The following RICTOR variants were observed in gnomAD, a reference collection of about 807,000 sequenced individuals.
The protein encoded by RICTOR is rapamycin-insensitive companion of mTOR.
Under a neutral mutation model 214.9 loss-of-function variants are expected in RICTOR, and 49 were observed. The ratio of observed to expected loss-of-function variants is 0.23; its 90% confidence interval spans 0.18 to 0.29. The LOEUF (loss-of-function observed/expected upper bound fraction) is 0.29. Among genes scored for constraint, RICTOR ranks in the 10% least tolerant of loss-of-function variants. The pLI, the probability that RICTOR is intolerant of heterozygous loss-of-function variation, is 1.00. For missense variants in RICTOR, 1,625 were observed against 2,047.0 expected, an observed-to-expected ratio of 0.79 and a Z score of 3.98; for synonymous variants, 717 against 711.3, an observed-to-expected ratio of 1.01 and a Z score of -0.13.
chr5:38,952,349 C>G lies in RICTOR; in HGVS notation c.2974G>C (p.Ala992Pro), dbSNP rs1426577034. ...CDILKCHNWD[A>P]VRHSRKHLWP... is the part of the protein sequence containing the mutation. Reference sequence around the variant, plus strand: ...AGATGTTTGCGACTATGCCTCACAGCATCCCAGTTGTGACATTTTAGAATA... The same window carrying G: ...AGATGTTTGCGACTATGCCTCACAGGATCCCAGTTGTGACATTTTAGAATA... Residue 992 changes from alanine (A) to proline (P), a missense_variant, in exon 30 of 38, where the codon GCT (alanine) becomes CCT (proline). By Grantham distance (27) the Ala-to-Pro change is conservative (BLOSUM62 -1). Transcript: ENST00000357387. The G allele has an allele frequency of 3.1e-6, 5 of 1,613,050 alleles. No homozygotes were observed. Among genetic ancestry groups the G allele is most frequent in the Non-Finnish European group, 4.2e-6 (5 of 1,179,340 alleles).
intron 2 of RICTOR, among the ~76,000 whole-genome samples, chr5:39,066,117 C>T (rs1758888084): frequency 6.6e-6 from 1 of 152,248 alleles, no homozygotes. Flanking sequence ...TGCCTAGACA[C>T]CCAGGCTTTC....
intron 14 of RICTOR, 33 bp from the exon 15 acceptor site, chr5:38,966,754 A>G (rs765366158): frequency 1.8e-6 from 2 of 1,142,134 alleles, no homozygotes; most frequent in South Asian, 2.7e-5. Context: ...CCACTGTTGC[A>G]AAATAATACA....
At chr5:38,984,168 T>A (rs1262016947) in intron 7 of RICTOR, among the ~76,000 whole-genome samples, 5 of 151,924 alleles carry the variant, frequency 3.3e-5, no homozygotes, top group Non-Finnish European at 5.9e-5. Context: ...TGTGAGTGAC[T>A]GGAAATTAAA....
Position 38,954,839 on chromosome 5 carries a change from G to T in RICTOR, c.2632C>A (p.Leu878Met), listed in dbSNP as rs1749107243. Residue 878 changes from leucine to methionine, a missense_variant, in exon 27 of 38, where the codon CTG becomes ATG. Coordinates refer to ENST00000357387, the MANE Select transcript of RICTOR (RefSeq NM_152756.5). ...AGTTGTCCATAAAGGTGTATAGGCA[G>T]GTAGACGTGAGGACGCTGTAATCTA... The part of the protein sequence containing the change: ...NQRLQRPHVY[L>M]PIHLYGQLVH... 1 of 1,598,878 alleles carries T rather than the reference G, an allele frequency of 6.3e-7. No homozygotes were observed. The highest frequency in any genetic ancestry group is 8.6e-7 in the Non-Finnish European group (1 of 1,167,384).
At chr5:39,059,113 G>C (rs1251625496) in intron 2 of RICTOR, among the ~76,000 whole-genome samples, 1 of 152,024 alleles carries the variant, frequency 6.6e-6, no homozygotes, top group Non-Finnish European at 1.5e-5. Context: ...TAACACACCT[G>C]ATACACATGA....
chr5:38,990,731 T>TATCTGATATATATCAG (rs1752652175), intron 7 of RICTOR, among the ~76,000 whole-genome samples: 4 of 123,000 alleles, frequency 3.3e-5, no homozygotes, highest in Admixed American at 8.6e-5. Context: ...ATATATCATA[T>TATCTGATATATATCAG]ATATGATATA....
At chr5:39,053,884 CCGTCTCA>C (rs1423663336) in intron 2 of RICTOR, among the ~76,000 whole-genome samples, 2 of 142,064 alleles carry the variant, frequency 1.4e-5, no homozygotes, top group East Asian at 4.2e-4. Context: ...CAGCGAGACT[CCGTCTCA>C]AAAAAAAAAA....
chr5:39,005,852 A>C (rs527468800), intron 3 of RICTOR, among the ~76,000 whole-genome samples: 2 of 152,272 alleles, frequency 1.3e-5, no homozygotes, highest in East Asian at 3.9e-4. Context: ...TTTCCCTGCC[A>C]CCTGAAGTTT....
rs201938882 is a variant in RICTOR, at chr5:38,958,466, G to C, written c.2397C>G (p.Asp799Glu). The stretch of plus-strand genomic sequence containing the variant: ...ACCTCAGCAGGAGAAGCAAACCCTT[G>C]TCTCCAAGGTGGGATAACGCTGGTT... ...QMKPALSHLG[D>E]KGLLLLLRFL... is the part of the protein sequence containing the mutation. The change falls in exon 24 of 38, where the codon GAC becomes GAG. Residue 799 changes from aspartate (D) to glutamate (E), a missense_variant. Around this residue, in one of 5 missense-constraint regions of RICTOR, gnomAD observed 1,214 missense variants for 1,470.5 expected, o/e 0.83. Transcript: ENST00000357387. The C allele has an allele frequency of 6.2e-7, 1 of 1,610,252 alleles. No homozygotes were observed. Among genetic ancestry groups the C allele is most frequent in the African/African-American group, 1.3e-5 (1 of 74,934 alleles).
chr5:39,069,860 G>A (rs1269863834), intron 2 of RICTOR, among the ~76,000 whole-genome samples: 1 of 152,162 alleles, frequency 6.6e-6, no homozygotes, highest in Non-Finnish European at 1.5e-5. Flanking sequence ...CTTTTAAGAA[G>A]TCAACCCCTC....
intron 11 of RICTOR, chr5:38,970,177 T>A (rs563708899): frequency 6.6e-6 from 1 of 152,204 alleles, no homozygotes; most frequent in African/African-American, 2.4e-5. Flanking sequence ...CTCTGGGATG[T>A]TCACAGGATG....
chr5:39,064,870 G>A (rs1189231023), intron 2 of RICTOR, among the ~76,000 whole-genome samples: 3 of 152,194 alleles, frequency 2.0e-5, no homozygotes, highest in African/African-American at 4.8e-5. Context: ...ACAAAGGTAG[G>A]AGGCTAAAGT....
chr5:38,983,061 G>C (rs1481789547), intron 7 of RICTOR, among the ~76,000 whole-genome samples: 1 of 151,984 alleles, frequency 6.6e-6, no homozygotes, highest in Non-Finnish European at 1.5e-5. Flanking sequence ...TCAACACACA[G>C]AACTCTCATT....
At chr5:39,046,680 C>T (rs926893745) in intron 2 of RICTOR, among the ~76,000 whole-genome samples, 2 of 152,130 alleles carry the variant, frequency 1.3e-5, no homozygotes, top group African/African-American at 2.4e-5. Context: ...TGCAACTACA[C>T]TGTCTCAATC....
chr5:39,015,537 T>G (rs999968348), intron 3 of RICTOR, among the ~76,000 whole-genome samples: 21 of 151,682 alleles, frequency 1.4e-4, no homozygotes, highest in African/African-American at 5.1e-4. Context: ...TGGTTTGGGG[T>G]GGGGGTGCTA....
At chr5:39,046,795 T>C (rs1185633326) in intron 2 of RICTOR, among the ~76,000 whole-genome samples, 1 of 152,146 alleles carries the variant, frequency 6.6e-6, no homozygotes, top group African/African-American at 2.4e-5. Context: ...TTGAGTTAAA[T>C]GAAGGTTGCC....
At chr5:39,027,682 C>T (rs942502211) in intron 2 of RICTOR, among the ~76,000 whole-genome samples, 1 of 151,884 alleles carries the variant, frequency 6.6e-6, no homozygotes, top group African/African-American at 2.4e-5. Context: ...ATAAAAAAGC[C>T]AAAGAAAATG....
chr5:38,940,705 G>A lies in RICTOR; in HGVS notation c.*1599C>T, dbSNP rs2112762683. 4.3e-6 allele frequency: 1 copy of A among 232,884 alleles called. No individual in the cohort carries two copies. The highest frequency in any genetic ancestry group is 2.2e-5 in the African/African-American group (1 of 45,448). 14.4% of individuals were successfully genotyped at this position (232,884 alleles called of 1,614,324 possible). A position where few individuals can be genotyped will look rare whatever the true frequency, so the allele number is the denominator to read the frequency against. ...AACAATTCACTGAAGTGCAGTCAAA[G>A]AGGTGTTATGAAGTGAGATGAAATG... On this transcript the variant is annotated 3_prime_UTR_variant, in exon 38 of 38. Coordinates refer to ENST00000357387, the MANE Select transcript of RICTOR (RefSeq NM_152756.5).
At chr5:39,007,494 G>A (rs951279445) in intron 3 of RICTOR, among the ~76,000 whole-genome samples, 2 of 151,920 alleles carry the variant, frequency 1.3e-5, no homozygotes, top group East Asian at 1.9e-4. Flanking sequence ...TTCAACATAC[G>A]AATTTTGACG....
Sources: allele counts gnomAD v4.1 joint callset (sites outside exome capture counted in the v4.1 genomes callset), GRCh38; gene constraint gnomAD v4.1.1; regional missense constraint gnomAD v4.1.1; transcripts MANE v1.5; gene names NCBI Gene and HGNC (gene_info 2026-07-23, HGNC 2026-07-21).